Variants in HELB observed in about 807,000 individuals in gnomAD.
HELB encodes DNA 5'-3' helicase B.
Under a neutral mutation model 101.7 loss-of-function variants are expected in HELB, and 96 were observed. That is an observed-to-expected ratio of 0.94 (90% CI 0.80 to 1.12). The LOEUF is 1.12. Among genes scored for constraint, HELB ranks in the 50% most tolerant of loss-of-function variants. HELB has a pLI of 0.00. For missense variants in HELB, 1,210 were observed against 1,291.9 expected, an observed-to-expected ratio of 0.94 and a Z score of 0.97; for synonymous variants, 437 against 459.7, an observed-to-expected ratio of 0.95 and a Z score of 0.63.
intron 2 of HELB, among the ~76,000 whole-genome samples, 178 bp from the exon 3 acceptor site, chr12:66,306,167 C>T (rs2053473105): frequency 6.6e-6 from 1 of 152,200 alleles, no homozygotes; most frequent in Non-Finnish European, 1.5e-5. Flanking sequence ...AAAACCATCT[C>T]AGTACAAAAG....
chr12:66,303,642 A>AAAAGG (rs1395711741), intron 1 of HELB, among the ~76,000 whole-genome samples: 1 of 152,184 alleles, frequency 6.6e-6, no homozygotes, highest in Non-Finnish European at 1.5e-5. Flanking sequence ...TCAAAAAACG[A>AAAAGG]AAAGGAAAGA....
intron 10 of HELB, chr12:66,324,638 G>T: frequency 3.4e-6 from 1 of 292,250 alleles, no homozygotes; most frequent in Non-Finnish European, 6.5e-6. Flanking sequence ...TACCCTCACT[G>T]AAAGCTGTGA....
At chr12:66,333,312 A>G (rs936858547) in intron 12 of HELB, among the ~76,000 whole-genome samples, 5 of 152,156 alleles carry the variant, frequency 3.3e-5, no homozygotes, top group Admixed American at 6.5e-5. Context: ...TGAGCACTGA[A>G]TGTTACCAAG....
At chr12:66,303,138 T>G (rs1490888791) in intron 1 of HELB, among the ~76,000 whole-genome samples, 1 of 150,040 alleles carries the variant, frequency 6.7e-6, no homozygotes, top group Non-Finnish European at 1.5e-5. Context: ...GGTCGTCCTT[T>G]AATTTAATGT....
intron 4 of HELB, among the ~76,000 whole-genome samples, chr12:66,312,067 G>T (rs2053551208): frequency 6.6e-6 from 1 of 152,208 alleles, no homozygotes; most frequent in African/African-American, 2.4e-5. Context: ...TTAAACTTGG[G>T]TTAGACAGTG....
Position 66,309,984 on chromosome 12 carries a change from C to A in HELB, c.1056C>A (p.Phe352Leu). Residue 352 changes from phenylalanine (F) to leucine (L), a missense_variant, in exon 4 of 13, where the codon TTC becomes TTA. This residue lies in a region of HELB where 470 missense variants were observed against 563.1 expected (regional missense o/e 0.83). Transcript: ENST00000247815. Reference sequence around the variant, plus strand: ...TGACATATGAGAAGTCCTGTGTCTTCCCTTATGACCTTTACCATGCTGAAA... The same window carrying A: ...TGACATATGAGAAGTCCTGTGTCTTACCTTATGACCTTTACCATGCTGAAA... Reference protein sequence around the residue: ...GVVTYEKSCVFPYDLYHAERA... With the variant: ...GVVTYEKSCVLPYDLYHAERA... 3 of 1,614,160 alleles carry A rather than the reference C, an allele frequency of 1.9e-6. No individual in the cohort carries two copies. The highest frequency in any genetic ancestry group is 2.5e-6 in the Non-Finnish European group (3 of 1,180,026).
In HELB at chr12:66,310,503, A is replaced by T; in HGVS notation, c.1575A>T (p.Gln525His). Residue 525 changes from glutamine (Q) to histidine (H), a missense_variant, in exon 4 of 13, where the codon CAA (glutamine) becomes CAT (histidine). Gln to His is a conservative substitution (Grantham distance 24, BLOSUM62 0). Coordinates refer to ENST00000247815, the MANE Select transcript of HELB (RefSeq NM_001370285.1). ...GGATTACCTTTACTGAGCAAAGTCAACTAGAGGCGGACAAGGCTATAGAAG... is the reference window on the plus strand; with the variant it reads ...GGATTACCTTTACTGAGCAAAGTCATCTAGAGGCGGACAAGGCTATAGAAG... Reference protein sequence around the residue: ...EEWITFTEQSQLEADKAIEVL... With the variant: ...EEWITFTEQSHLEADKAIEVL... The T allele has an allele frequency of 6.2e-7, 1 of 1,614,260 alleles. No individual in the cohort carries two copies. Among genetic ancestry groups the T allele is most frequent in the Non-Finnish European group, 8.5e-7 (1 of 1,180,044 alleles).
chr12:66,303,542 A>C (rs1161298013), intron 1 of HELB, among the ~76,000 whole-genome samples: 3 of 152,160 alleles, frequency 2.0e-5, no homozygotes, highest in Non-Finnish European at 2.9e-5. Context: ...CCGAGGCAGG[A>C]GAATTGCTTG....
chr12:66,315,361 C>T lies in HELB; in HGVS notation c.1978C>T (p.Leu660Phe), dbSNP rs762129088. The T allele has an allele frequency of 8.1e-6, 13 of 1,599,660 alleles. No homozygotes were observed. Among genetic ancestry groups the T allele is most frequent in the East Asian group, 6.8e-5 (3 of 44,430 alleles). ...GACAAACCATAGAGCAGAATCTCAG[C>T]TCATTGTGGACAATGCTACAAGGTA... is the stretch of plus-strand genomic sequence containing the variant. ...LKTNHRAESQ[L>F]IVDNATRISR... The change falls in exon 6 of 13, where the codon CTC becomes TTC. Residue 660 changes from leucine (L) to phenylalanine (F), a missense_variant. Around this residue, in one of 2 missense-constraint regions of HELB, gnomAD observed 740 missense variants for 728.8 expected, o/e 1.02. Coordinates refer to ENST00000247815, the MANE Select transcript of HELB (RefSeq NM_001370285.1).
chr12:66,335,862 G>A (rs1050994870), intron 12 of HELB, among the ~76,000 whole-genome samples: 14 of 152,268 alleles, frequency 9.2e-5, no homozygotes, highest in African/African-American at 3.4e-4. Context: ...ATCACCTCAT[G>A]CCATCCTCTC....
chr12:66,325,159 A>G (rs371906782), intron 11 of HELB, 33 bp downstream of exon 11: 6 of 1,475,058 alleles, frequency 4.1e-6, no homozygotes, highest in Non-Finnish European at 5.6e-6. Context: ...CCTTTTAAAT[A>G]ATTTACCAAC....
intron 6 of HELB, among the ~76,000 whole-genome samples, chr12:66,318,078 G>C (rs1444835731): frequency 6.6e-6 from 1 of 152,208 alleles, no homozygotes. Flanking sequence ...GGGAAAGTGG[G>C]ATTATATGTA....
chr12:66,332,762 G>A lies in HELB; in HGVS notation c.3162+1117G>A, dbSNP rs150773342. Among the ~76,000 whole-genome samples, 106 of 152,316 alleles carry A rather than the reference G, an allele frequency of 7.0e-4. 1 individual carries two copies. The highest frequency in any genetic ancestry group is 6.8e-3 in the Middle Eastern group (2 of 294). ...GTAGTATTCAAGGCTTCAGGTGTCC[G>A]TTAAGATTCACTTCTTTGTTCAAAA... On this transcript the variant is annotated intron_variant, in intron 12 of 12. Coordinates refer to ENST00000247815, the MANE Select transcript of HELB (RefSeq NM_001370285.1).
rs754055520 is a variant in HELB, at chr12:66,318,610, T to TTG, written c.2001-16_2001-15dup. ...AGACATTTTTGGATGATAATGTTCT[T>TTG]TGTGTGTGTGTGTTATCTTTATTCA... On this transcript the variant is annotated intron_variant, in intron 6 of 12. Coordinates refer to ENST00000247815, the MANE Select transcript of HELB (RefSeq NM_001370285.1). 4.2e-5 allele frequency: 65 copies of TTG among 1,564,284 alleles called. No homozygotes were observed. The Admixed American group carries it at 6.4e-4, about 15-fold the overall frequency.
At position 66,318,783 on chromosome 12, in the gene HELB, C is replaced by T. The variant is rs1048792749; in HGVS notation, c.2146C>T (p.His716Tyr). Residue 716 changes from histidine to tyrosine, a missense_variant, in exon 7 of 13, where the codon CAT becomes TAT. By Grantham distance (83) the His-to-Tyr change is moderately conservative (BLOSUM62 2). This residue lies in a region of HELB where 740 missense variants were observed against 728.8 expected (regional missense o/e 1.02). Coordinates refer to ENST00000247815, the MANE Select transcript of HELB (RefSeq NM_001370285.1). ...DASSQSSKTN[H>Y]HSCLYSAVKT... Reference sequence around the variant, plus strand: ...CAGTTCTCAGTCATCTAAAACTAATCATCACTCTTGTAAGTATAAACTTCT... The same window carrying T: ...CAGTTCTCAGTCATCTAAAACTAATTATCACTCTTGTAAGTATAAACTTCT... The T allele has an allele frequency of 6.2e-7, 1 of 1,604,740 alleles. No individual in the cohort carries two copies. The highest frequency in any genetic ancestry group is 2.2e-5 in the East Asian group (1 of 44,564).
At chr12:66,341,599 A>G (rs556548789), downstream of HELB, 21 of 152,250 alleles carry the variant, frequency 1.4e-4, no homozygotes, top group African/African-American at 5.1e-4. Flanking sequence ...TTTTCCTCCC[A>G]TTCTGTGAAT....
chr12:66,310,989 A>G (rs184414193), intron 4 of HELB, among the ~76,000 whole-genome samples: 216 of 152,274 alleles, frequency 1.4e-3, no homozygotes, highest in Middle Eastern at 3.4e-3. Context: ...TAAAGCAATC[A>G]GTAGGAATTT....
chr12:66,314,933 A>G (rs1202698992), intron 5 of HELB, among the ~76,000 whole-genome samples: 1 of 150,882 alleles, frequency 6.6e-6, no homozygotes, highest in Admixed American at 6.6e-5. Context: ...AGATTCTTCC[A>G]CTTTCAGTAA....
Position 66,324,970 on chromosome 12 carries a change from G to C in HELB, c.2527-13G>C. 6.2e-7 allele frequency: 1 copy of C among 1,611,990 alleles called. No homozygotes were observed. ...TTGAAGGTATGCAAAATAGTTCTTT[G>C]GTTTGGTGACAGGATGTAACTGATG... On this transcript the variant is annotated splice_polypyrimidine_tract_variant and intron_variant, in intron 10 of 12. Transcript: ENST00000247815.
Sources: gnomAD v4.1 joint callset for allele counts (sites outside exome capture counted in the v4.1 genomes callset) on GRCh38, gnomAD v4.1.1 for gene constraint, gnomAD v4.1.1 regional missense constraint, MANE v1.5 for transcripts, NCBI Gene and HGNC (gene_info 2026-07-23, HGNC 2026-07-21) for gene names.